MLXIP: variants seen among roughly 807,000 people sequenced by gnomAD.
The protein encoded by MLXIP is MLX interacting protein.
Under a neutral mutation model 87.2 loss-of-function variants are expected in MLXIP, and 30 were observed. The ratio of observed to expected loss-of-function variants is 0.34; its 90% confidence interval spans 0.26 to 0.47. The LOEUF (loss-of-function observed/expected upper bound fraction) is 0.47, where lower values mean the gene tolerates loss of function less well. MLXIP is among the 20% of genes least tolerant of loss of function. MLXIP has a pLI of 1.00. For missense variants in MLXIP, 1,002 were observed against 1,240.1 expected, an observed-to-expected ratio of 0.81 and a Z score of 2.88; for synonymous variants, 530 against 514.0, an observed-to-expected ratio of 1.03 and a Z score of -0.42.
At position 122,104,476 on chromosome 12, in the gene MLXIP, G is replaced by A. The variant is rs1041529080; in HGVS notation, c.414-22780G>A. On this transcript the variant is annotated intron_variant, in intron 1 of 16. Coordinates refer to ENST00000319080, the MANE Select transcript of MLXIP (RefSeq NM_014938.6). ...CTGCACCTGTAGTTAATATTCTGTC[G>A]TATAGATATAGCAGTGCGTTTTCTC... is the stretch of plus-strand genomic sequence containing the variant. 1.3e-4 allele frequency among the ~76,000 whole-genome samples: 19 copies of A among 151,824 alleles called. No individual in the cohort carries two copies. In the East Asian group the frequency reaches 2.5e-3, roughly 20 times the overall value.
chr12:122,131,223 C>A (rs1157307626), intron 7 of MLXIP, among the ~76,000 whole-genome samples: 1 of 152,066 alleles, frequency 6.6e-6, no homozygotes, highest in African/African-American at 2.4e-5. Flanking sequence ...TACCAAGGCC[C>A]TGCAGTTAGA....
Position 122,138,434 on chromosome 12 carries a change from C to T in MLXIP, c.2267C>T (p.Ala756Val). ...ISNNSKLTSHAITLQKTVEYI... is the reference protein window; with the variant it reads ...ISNNSKLTSHVITLQKTVEYI... Reference sequence around the variant, plus strand: ...CTGCCCCTTCTGCAGACCAGTCACGCCATCACACTGCAGAAGACTGTGGAG... The same window carrying T: ...CTGCCCCTTCTGCAGACCAGTCACGTCATCACACTGCAGAAGACTGTGGAG... Residue 756 changes from alanine to valine, a missense_variant, in exon 14 of 17, where the codon GCC (alanine) becomes GTC (valine). Transcript: ENST00000319080. The T allele has an allele frequency of 6.2e-7, 1 of 1,613,824 alleles. No homozygotes were observed. Among genetic ancestry groups the T allele is most frequent in the Non-Finnish European group, 8.5e-7 (1 of 1,179,876 alleles).
intron 6 of MLXIP, 68 bp from the exon 7 acceptor site, chr12:122,130,776 G>A (rs1952963989): frequency 1.8e-6 from 2 of 1,103,764 alleles, no homozygotes; most frequent in East Asian, 2.4e-5. Flanking sequence ...TCTGTTCCAG[G>A]CCTTTTTTAC....
At chr12:122,130,186 G>T (rs1952952978) in intron 6 of MLXIP, 74 bp downstream of exon 6, 3 of 1,454,310 alleles carry the variant, frequency 2.1e-6, no homozygotes, top group East Asian at 2.4e-5. Flanking sequence ...CTGGGCCAGG[G>T]TTCCTTCAGG....
At chr12:122,108,367 C>CAAA (rs61424369) in intron 1 of MLXIP, among the ~76,000 whole-genome samples, 8 of 80,528 alleles carry the variant, frequency 9.9e-5, no homozygotes, top group Admixed American at 1.5e-4. Context: ...GACTCCATCT[C>CAAA]AAAAAAAAAA....
In MLXIP at chr12:122,133,804, T is replaced by C. The variant is rs2135982521; in HGVS notation, c.1549T>C (p.Ser517Pro). 2 of 1,613,162 alleles carry C rather than the reference T, an allele frequency of 1.2e-6. No homozygotes were observed. The highest frequency in any genetic ancestry group is 1.3e-5 in the African/African-American group (1 of 75,042). The change falls in exon 9 of 17, where the codon TCA becomes CCA. Residue 517 changes from serine to proline, a missense_variant. This residue lies in a region of MLXIP where 746 missense variants were observed against 897.0 expected (regional missense o/e 0.83). Transcript: ENST00000319080. This position sits in a 1 kb window ranked among gnomAD's most constrained non-coding sequence, Gnocchi z 4.9. ...LVITTHHPAP[S>P]AAPCGLALSP... The stretch of plus-strand genomic sequence containing the variant: ...GATCACCACCCATCACCCTGCCCCG[T>C]CAGCGGCCCCTTGTGGGCTGGCACT...
chr12:122,125,321 G>A (rs1413065822), intron 1 of MLXIP, among the ~76,000 whole-genome samples: 1 of 129,006 alleles, frequency 7.8e-6, no homozygotes, highest in Non-Finnish European at 1.6e-5. Context: ...AACAGAGCGA[G>A]ACTCCATCTC....
At chr12:122,097,053 C>T (rs1049892439) in intron 1 of MLXIP, among the ~76,000 whole-genome samples, 1 of 152,238 alleles carries the variant, frequency 6.6e-6, no homozygotes, top group African/African-American at 2.4e-5. Context: ...GGCAGCCTTG[C>T]TTCTCAGCTG....
intron 1 of MLXIP, among the ~76,000 whole-genome samples, chr12:122,108,063 T>G (rs1952548423): frequency 6.6e-6 from 1 of 151,978 alleles, no homozygotes. Flanking sequence ...GAAGATGAAT[T>G]TTTATGACAT....
chr12:122,141,590 C>G (rs865859197), intron 16 of MLXIP, 101 bp from the exon 17 acceptor site: 22 of 1,530,152 alleles, frequency 1.4e-5, no homozygotes, highest in Non-Finnish European at 1.8e-5. Flanking sequence ...CTGCTCGCCC[C>G]GTGCCTGAGC....
At chr12:122,081,898 A>T (rs1003718566) in intron 1 of MLXIP, among the ~76,000 whole-genome samples, 13 of 152,032 alleles carry the variant, frequency 8.6e-5, no homozygotes, top group African/African-American at 3.1e-4. Context: ...TCTTCGTTCT[A>T]GCTGTCTAAC....
In MLXIP at chr12:122,137,774, C is replaced by G. The variant is rs1049859792; in HGVS notation, c.2154+184C>G. ...CCAGCCCTGTGGGGATGGTGGGCCC[C>G]CTGGAGGCTTTTGGGTGAGCCCCAA... On this transcript the variant is annotated intron_variant, in intron 12 of 16. Transcript: ENST00000319080. The surrounding 1 kb of genome is among the most constrained non-coding windows in gnomAD (Gnocchi z 4.1). The G allele has an allele frequency of 1.6e-5, 8 of 502,744 alleles. No individual in the cohort carries two copies. The highest frequency in any genetic ancestry group is 6.4e-5 in the Admixed American group (1 of 15,680). The allele number at this position is 502,744 out of a possible 1,614,324, so 31.1% of individuals were successfully genotyped here. A position where few individuals can be genotyped will look rare whatever the true frequency, so the allele number is the denominator to read the frequency against.
chr12:122,124,254 GC>G (rs1952837404), intron 1 of MLXIP, among the ~76,000 whole-genome samples: 3 of 54,722 alleles, frequency 5.5e-5, no homozygotes, highest in Non-Finnish European at 1.0e-4. Context: ...CACCTCAGCC[GC>G]CCCCCCGCCC....
At chr12:122,132,515 C>G (rs1952999486) in intron 8 of MLXIP, 132 bp downstream of exon 8, 1 of 701,662 alleles carries the variant, frequency 1.4e-6, no homozygotes, top group Admixed American at 2.4e-5. Flanking sequence ...AGTGCTAGAC[C>G]AGCACTAATG....
Position 122,127,265 on chromosome 12 carries a change from G to A in MLXIP, c.423G>A (p.Leu141=), listed in dbSNP as rs1298254609. Residue 141 remains leucine (L), a synonymous_variant, in exon 2 of 17, where the codon TTG becomes TTA. Transcript: ENST00000319080. ...TTGCCTTGCCTTTCAGTGGGAAGTT[G>A]GTGTCTCCAAAGTGGAAGAATTTCA... ...ECMTLAYSGK[L]VSPKWKNFKG... The A allele has an allele frequency of 4.4e-5, 71 of 1,613,272 alleles. No homozygotes were observed. Among genetic ancestry groups the A allele is most frequent in the Non-Finnish European group, 5.9e-5 (69 of 1,179,426 alleles).
intron 9 of MLXIP, 126 bp downstream of exon 9, chr12:122,134,113 A>G: frequency 9.0e-7 from 1 of 1,110,694 alleles, no homozygotes; most frequent in Non-Finnish European, 1.2e-6. Flanking sequence ...GCGCACACAC[A>G]TACACTTAAA....
At position 122,141,792 on chromosome 12, in the gene MLXIP, A is replaced by G; in HGVS notation, c.2740A>G (p.Lys914Glu). The change falls in exon 17 of 17, where the codon AAG becomes GAG. Residue 914 changes from lysine to glutamate, a missense_variant. By Grantham distance (56) the Lys-to-Glu change is moderately conservative. Transcript: ENST00000319080. ...GTCCAAGGCTGTCACCAGGATTGGC[A>G]AGAGATTGGGAGAGTCCTAGCTGCT... Reference protein sequence around the residue: ...QASKAVTRIGKRLGES With the variant: ...QASKAVTRIGERLGES 6.2e-7 allele frequency: 1 copy of G among 1,613,754 alleles called. No homozygotes were observed. The highest frequency in any genetic ancestry group is 8.5e-7 in the Non-Finnish European group (1 of 1,179,882).
chr12:122,103,407 T>C (rs796701543), intron 1 of MLXIP, among the ~76,000 whole-genome samples: 30 of 152,070 alleles, frequency 2.0e-4, no homozygotes, highest in African/African-American at 6.8e-4. Flanking sequence ...GTATTTTTAG[T>C]AGACACGGGA....
rs1235034498 is a variant in MLXIP, at chr12:122,133,581, C to T, written c.1326C>T (p.Ala442=). Residue 442 remains alanine (A), a synonymous_variant, in exon 9 of 17, where the codon GCC becomes GCT. Coordinates refer to ENST00000319080, the MANE Select transcript of MLXIP (RefSeq NM_014938.6). This position sits in a 1 kb window ranked among gnomAD's most constrained non-coding sequence, Gnocchi z 4.9. ...TGCCCCTGCTGTCTCCCAGCCCCGC[C>T]CCACCGCCCATCTCCCCCGTGTTAC... ...FTMPLLSPSP[A]PPPISPVLPL... 6.2e-7 allele frequency: 1 copy of T among 1,606,526 alleles called. No individual in the cohort carries two copies. Among genetic ancestry groups the T allele is most frequent in the Admixed American group, 1.7e-5 (1 of 59,198 alleles).
Sources: allele counts gnomAD v4.1 joint callset (sites outside exome capture counted in the v4.1 genomes callset), GRCh38; gene constraint gnomAD v4.1.1; regional missense constraint gnomAD v4.1.1; non-coding constraint Gnocchi (gnomAD v3.1); transcripts MANE v1.5; gene names NCBI Gene and HGNC (gene_info 2026-07-23, HGNC 2026-07-21).